ADGRL3: variants seen among roughly 807,000 people sequenced by gnomAD.
ADGRL3 encodes the protein adhesion G protein-coupled receptor L3.
Under a neutral mutation model 153.5 loss-of-function variants are expected in ADGRL3, and 62 were observed. The ratio of observed to expected loss-of-function variants is 0.40; its 90% CI spans 0.33 to 0.50. The LOEUF is 0.50. Among genes scored for constraint, ADGRL3 ranks in the 20% least tolerant of loss-of-function variants. The pLI is 0.47. For synonymous variants in ADGRL3, 710 were observed against 672.5 expected, an observed-to-expected ratio of 1.06 and a Z score of -0.86; for missense variants, 1,641 against 1,859.4, an observed-to-expected ratio of 0.88 and a Z score of 2.16.
rs547216013 is a variant in ADGRL3, at chr4:61,746,352, C to T, written c.1399+12798C>T. ...GAATTGAAGTCAGCTCTGCACCAAG[C>T]GGACCTAATACCCATCTACAGAACT... On this transcript the variant is annotated intron_variant, in intron 8 of 26. Transcript: ENST00000683033. Among the ~76,000 whole-genome samples the T allele has an allele frequency of 3.8e-4, 58 of 151,688 alleles. 1 individual carries two copies. Among genetic ancestry groups the T allele is most frequent in the African/African-American group, 1.3e-3 (52 of 41,482 alleles).
intron 5 of ADGRL3, among the ~76,000 whole-genome samples, chr4:61,641,381 A>G (rs1257482952): frequency 1.3e-5 from 2 of 151,428 alleles, no homozygotes; most frequent in African/African-American, 4.9e-5. Context: ...GGTGCGCTGC[A>G]CCCACTAACT....
intron 1 of ADGRL3, among the ~76,000 whole-genome samples, chr4:61,337,258 A>T (rs1325823753): frequency 1.3e-5 from 2 of 152,034 alleles, no homozygotes; most frequent in African/African-American, 4.8e-5. Flanking sequence ...TGTTTTGTTT[A>T]TTCCCTCTTG....
intron 4 of ADGRL3, among the ~76,000 whole-genome samples, chr4:61,529,188 ATAT>A (rs1208870264): frequency 6.6e-6 from 1 of 152,094 alleles, no homozygotes; most frequent in Non-Finnish European, 1.5e-5. Flanking sequence ...GTATTTTATA[ATAT>A]GTCTGTAGCT....
intron 8 of ADGRL3, among the ~76,000 whole-genome samples, chr4:61,781,741 A>G (rs1447657637): frequency 1.3e-5 from 2 of 152,176 alleles, no homozygotes; most frequent in Non-Finnish European, 2.9e-5. Flanking sequence ...TAAAGTTTAC[A>G]CAAGCCTTGG....
intron 9 of ADGRL3, among the ~76,000 whole-genome samples, chr4:61,853,912 A>C (rs1195439568): frequency 6.6e-6 from 1 of 152,226 alleles, no homozygotes; most frequent in East Asian, 1.9e-4. Context: ...TCTTCTCTAT[A>C]GCCTGAACTT....
intron 9 of ADGRL3, among the ~76,000 whole-genome samples, chr4:61,861,749 C>T (rs1053602454): frequency 1.3e-5 from 2 of 151,974 alleles, no homozygotes; most frequent in Admixed American, 1.3e-4. Context: ...CGGACACAGC[C>T]AAGAAGATTT....
intron 1 of ADGRL3, among the ~76,000 whole-genome samples, chr4:61,318,220 A>AAAC (rs1560467331): frequency 2.4e-4 from 35 of 145,758 alleles, no homozygotes; most frequent in African/African-American, 8.8e-4. Flanking sequence ...AAAAACACAA[A>AAAC]ACACACACAC....
intron 2 of ADGRL3, among the ~76,000 whole-genome samples, chr4:61,439,004 G>A (rs1334888523): frequency 1.3e-5 from 2 of 151,958 alleles, no homozygotes; most frequent in African/African-American, 2.4e-5. Context: ...GGGACCTAAC[G>A]ATAATATGTT....
At position 61,814,507 on chromosome 4, in the gene ADGRL3, G is replaced by A. The variant is rs1350879477; in HGVS notation, c.1480+618G>A. 4.6e-5 allele frequency among the ~76,000 whole-genome samples: 7 copies of A among 152,108 alleles called. No homozygotes were observed. In the South Asian group the frequency reaches 1.4e-3, roughly 32 times the overall value. The stretch of plus-strand genomic sequence containing the variant: ...TGCTTTTAAATAAATATTTACCAAT[G>A]ATTTTCAAAATGTTTCTTGTTCTCA... On this transcript the variant is annotated intron_variant, in intron 9 of 26. Transcript: ENST00000683033.
intron 9 of ADGRL3, among the ~76,000 whole-genome samples, chr4:61,832,609 C>A (rs1442208854): frequency 1.3e-5 from 2 of 152,022 alleles, no homozygotes; most frequent in African/African-American, 4.8e-5. Context: ...TTTTCTGTGC[C>A]CTAATAGCAG....
chr4:61,445,443 T>A (rs761581095), intron 2 of ADGRL3, among the ~76,000 whole-genome samples: 1 of 152,158 alleles, frequency 6.6e-6, no homozygotes, highest in Non-Finnish European at 1.5e-5. Flanking sequence ...CACAGGAAGG[T>A]GTGTTCACTG....
At chr4:61,612,779 T>C in intron 5 of ADGRL3, among the ~76,000 whole-genome samples, 1 of 152,170 alleles carries the variant, frequency 6.6e-6, no homozygotes, top group Admixed American at 6.5e-5. Flanking sequence ...CCTTAATTAC[T>C]TATTACTATA....
At chr4:61,439,601 C>A (rs112963018) in intron 2 of ADGRL3, among the ~76,000 whole-genome samples, 2,171 of 152,184 alleles carry the variant, frequency 0.014, 55 homozygotes, top group African/African-American at 0.049. Context: ...TTATCCCTCC[C>A]CTAGCCCTCC....
At position 61,893,751 on chromosome 4, in the gene ADGRL3, C is replaced by T. The variant is rs537572250; in HGVS notation, c.1783+793C>T. Among the ~76,000 whole-genome samples the T allele has an allele frequency of 7.8e-3, 939 of 119,914 alleles. 7 individuals carry two copies. Among genetic ancestry groups the T allele is most frequent in the African/African-American group, 0.029 (898 of 31,020 alleles). 78.7% of individuals were successfully genotyped at this position (119,914 alleles called of 152,430 possible). On this transcript the variant is annotated intron_variant, in intron 10 of 26. Coordinates refer to ENST00000683033, the MANE Select transcript of ADGRL3 (RefSeq NM_001387552.1). ...TTTTTGAGACGGAGTCTCACTCTGTCGCCCAGGCTGGAGTGCAGCAGCATG... is the reference window on the plus strand; with the variant it reads ...TTTTTGAGACGGAGTCTCACTCTGTTGCCCAGGCTGGAGTGCAGCAGCATG...
intron 8 of ADGRL3, among the ~76,000 whole-genome samples, chr4:61,769,593 A>G (rs1483150735): frequency 6.6e-6 from 1 of 152,088 alleles, no homozygotes; most frequent in Non-Finnish European, 1.5e-5. Flanking sequence ...TGTGAGCAAC[A>G]TGGCTGTTGC....
intron 1 of ADGRL3, among the ~76,000 whole-genome samples, chr4:61,353,721 A>G (rs1188203867): frequency 6.7e-6 from 1 of 150,030 alleles, no homozygotes; most frequent in East Asian, 2.0e-4. Context: ...CATTACAGGC[A>G]TGGGTCACTG....
At chr4:61,925,285 C>T (rs535910909) in intron 13 of ADGRL3, among the ~76,000 whole-genome samples, 1 of 152,298 alleles carries the variant, frequency 6.6e-6, no homozygotes, top group South Asian at 2.1e-4. Flanking sequence ...TCTTCATTGT[C>T]AACTATTCTT....
chr4:61,849,796 A>G lies in ADGRL3; in HGVS notation c.1480+35907A>G, dbSNP rs145823188. Among the ~76,000 whole-genome samples the G allele has an allele frequency of 1.8e-3, 269 of 152,278 alleles. 3 individuals carry two copies. Among genetic ancestry groups the G allele is most frequent in the African/African-American group, 6.2e-3 (256 of 41,574 alleles). On this transcript the variant is annotated intron_variant, in intron 9 of 26. Coordinates refer to ENST00000683033, the MANE Select transcript of ADGRL3 (RefSeq NM_001387552.1). ...TACAAACAAAGAGAAAATGCAATCA[A>G]CATAACCAAACCCATTTAGTTTATT...
chr4:61,556,581 C>CAGTA (rs1218167899), intron 4 of ADGRL3, among the ~76,000 whole-genome samples: 2 of 152,102 alleles, frequency 1.3e-5, no homozygotes, highest in Non-Finnish European at 2.9e-5. Context: ...CAACAATTTG[C>CAGTA]AGTAGGGAAG....
Sources: gnomAD v4.1 joint callset for allele counts (sites outside exome capture counted in the v4.1 genomes callset) on GRCh38, gnomAD v4.1.1 for gene constraint, MANE v1.5 for transcripts, NCBI Gene and HGNC (gene_info 2026-07-23, HGNC 2026-07-21) for gene names.